The following COLEC10 variants were observed in gnomAD, a reference collection of about 807,000 sequenced individuals.
The protein encoded by COLEC10 is collectin subfamily member 10.
Under a neutral mutation model 28.4 loss-of-function variants are expected in COLEC10, and 22 were observed. The observed-to-expected ratio is 0.78, with a 90% CI of 0.55 to 1.11. COLEC10 has a LOEUF of 1.11. COLEC10 is among the 50% of genes least tolerant of loss of function. The pLI is 0.00. For synonymous variants in COLEC10, 125 were observed against 116.1 expected (o/e 1.08, Z -0.49); for missense variants, 361 against 344.1 (o/e 1.05, Z -0.39).
intron 2 of COLEC10, among the ~76,000 whole-genome samples, chr8:119,044,951 G>A (rs1814562142): frequency 1.3e-5 from 2 of 151,862 alleles, no homozygotes; most frequent in South Asian, 4.1e-4. Context: ...TATCTTTTCT[G>A]TCATCTATAA....
chr8:119,046,697 G>GA (rs151076573), intron 2 of COLEC10, among the ~76,000 whole-genome samples: 4,001 of 152,062 alleles, frequency 0.026, 170 homozygotes, highest in African/African-American at 0.091. Context: ...TTCCAAATGT[G>GA]AAAAAAATAA....
At chr8:119,005,956 T>TC (rs1813786177) in intron 1 of COLEC10, among the ~76,000 whole-genome samples, 2 of 152,072 alleles carry the variant, frequency 1.3e-5, no homozygotes, top group East Asian at 3.9e-4. Flanking sequence ...AGGAGGATTT[T>TC]CCCCACCATT....
At chr8:119,010,424 T>C (rs1813883531) in intron 2 of COLEC10, among the ~76,000 whole-genome samples, 1 of 151,036 alleles carries the variant, frequency 6.6e-6, no homozygotes, top group African/African-American at 2.5e-5. Flanking sequence ...AATAACATCT[T>C]GGTTGCTTTT....
At position 119,092,688 on chromosome 8, in the gene COLEC10, CT is replaced by C. The variant is rs747867322; in HGVS notation, c.292+1469del. On this transcript the variant is annotated intron_variant, in intron 3 of 5. Transcript: ENST00000332843. ...TAGGGGGCTGAGATGGGTGGATCACCTGAGGTCAGGAGTTTGAGACAAGCCT... is the reference window on the plus strand; with the variant it reads ...TAGGGGGCTGAGATGGGTGGATCACCGAGGTCAGGAGTTTGAGACAAGCCT... Among the ~76,000 whole-genome samples, 10 of 152,008 alleles carry C rather than the reference CT, an allele frequency of 6.6e-5. No homozygotes were observed. The East Asian group carries it at 7.7e-4, about 12-fold the overall frequency.
chr8:119,043,215 TTA>T (rs1488920108), intron 2 of COLEC10, among the ~76,000 whole-genome samples: 1 of 152,244 alleles, frequency 6.6e-6, no homozygotes, highest in Non-Finnish European at 1.5e-5. Context: ...CCACCTCCTT[TTA>T]TGTTTTTAAT....
chr8:119,098,806 T>G (rs1815768339), intron 3 of COLEC10, among the ~76,000 whole-genome samples: 1 of 152,122 alleles, frequency 6.6e-6, no homozygotes, highest in African/African-American at 2.4e-5. Context: ...ATCAAATTTA[T>G]GAGCATGTCC....
At chr8:119,101,472 ATTCT>A (rs1322676371) in intron 3 of COLEC10, among the ~76,000 whole-genome samples, 2 of 152,128 alleles carry the variant, frequency 1.3e-5, no homozygotes, top group Non-Finnish European at 2.9e-5. Flanking sequence ...AACGTGTTTT[ATTCT>A]TTCTCTCTGC....
In COLEC10 at chr8:119,106,501, C is replaced by CCT. The variant is rs1236421629; in HGVS notation, c.*310_*311insCT. ...GTTGTTCTCTTGGTATTTGCTCTAC[C>CCT]ATCTCTCCCTAGAGCACTCTGTGTC... On this transcript the variant is annotated 3_prime_UTR_variant, in exon 6 of 6. Transcript: ENST00000332843. 1 of 268,946 alleles carries CCT rather than the reference C, an allele frequency of 3.7e-6. No individual in the cohort carries two copies. The highest frequency in any genetic ancestry group is 2.2e-5 in the African/African-American group (1 of 46,322). The allele number at this position is 268,946 out of a possible 1,614,324, so 16.7% of individuals were successfully genotyped here. A position where few individuals can be genotyped will look rare whatever the true frequency, so the allele number is the denominator to read the frequency against.
At chr8:118,981,996 C>CT in the COLEC10 span, among the ~76,000 whole-genome samples, 30,998 of 147,508 alleles carry the variant, frequency 0.21, 3,454 homozygotes, top group African/African-American at 0.32. Context: ...ATCACCCCTA[C>CT]TTTTTTTTTT....
chr8:119,086,598 G>A (rs891489232), intron 1 of COLEC10, among the ~76,000 whole-genome samples: 1 of 152,140 alleles, frequency 6.6e-6, no homozygotes. Context: ...CACCCTCCCA[G>A]ATCTCCATCA....
chr8:119,057,596 A>G (rs2130189293), intron 2 of COLEC10, among the ~76,000 whole-genome samples: 1 of 152,216 alleles, frequency 6.6e-6, no homozygotes, highest in Admixed American at 6.6e-5. Context: ...AAATTTCTTA[A>G]GGAAAAATTG....
At chr8:118,964,025 G>T in the COLEC10 span, among the ~76,000 whole-genome samples, 21 of 152,270 alleles carry the variant, frequency 1.4e-4, no homozygotes, top group African/African-American at 5.1e-4. Context: ...AAGTGAAAAT[G>T]TTAAAAGTGC....
chr8:119,095,743 G>C (rs767401829), intron 3 of COLEC10, among the ~76,000 whole-genome samples: 1 of 151,984 alleles, frequency 6.6e-6, no homozygotes, highest in Non-Finnish European at 1.5e-5. Context: ...AATCCCAGAA[G>C]TGTTCTTTTA....
At chr8:118,958,124 T>A in the COLEC10 span, among the ~76,000 whole-genome samples, 12 of 152,300 alleles carry the variant, frequency 7.9e-5, 1 homozygote, top group South Asian at 2.5e-3. Flanking sequence ...AGAATGGGAC[T>A]TGGCTCCAGA....
intron 1 of COLEC10, among the ~76,000 whole-genome samples, chr8:119,069,770 T>C (rs993267145): frequency 2.7e-5 from 4 of 150,338 alleles, no homozygotes; most frequent in African/African-American, 9.7e-5. Flanking sequence ...TTAAAAAGAA[T>C]AGTATGATGG....
At chr8:119,066,341 T>C (rs996733894), upstream of COLEC10, among the ~76,000 whole-genome samples, 2 of 152,322 alleles carry the variant, frequency 1.3e-5, no homozygotes, top group African/African-American at 2.4e-5. Flanking sequence ...GTGGAATAGA[T>C]AGAGATCCTG....
At chr8:118,994,354 G>A (rs1813556420), upstream of COLEC10, among the ~76,000 whole-genome samples, 1 of 152,142 alleles carries the variant, frequency 6.6e-6, no homozygotes, top group Admixed American at 6.5e-5. Context: ...TTTCTACACT[G>A]TGGAACCTGA....
upstream of COLEC10, chr8:119,062,961 A>T (rs1284289147): frequency 2.6e-5 from 4 of 152,222 alleles, no homozygotes; most frequent in African/African-American, 4.8e-5. Flanking sequence ...CTAATTACTT[A>T]TTTGAATGGA....
intron 3 of COLEC10, among the ~76,000 whole-genome samples, chr8:119,098,924 A>G (rs953194193): frequency 2.0e-5 from 3 of 152,048 alleles, no homozygotes; most frequent in Admixed American, 6.6e-5. Context: ...TGTCTTTCTG[A>G]ATATTTTACT....
Sources: allele counts gnomAD v4.1 joint callset (sites outside exome capture counted in the v4.1 genomes callset), GRCh38; gene constraint gnomAD v4.1.1; transcripts MANE v1.5; gene names NCBI Gene and HGNC (gene_info 2026-07-23, HGNC 2026-07-21).